Variants in RIMS2 observed in about 807,000 individuals in gnomAD.
The protein encoded by RIMS2 is regulating synaptic membrane exocytosis 2, also known as regulating synaptic membrane exocytosis protein 2.
In RIMS2, 59 loss-of-function variants were observed where a neutral mutation model predicts 174.4. That is an observed-to-expected ratio of 0.34 (90% CI 0.27 to 0.42). RIMS2 has a LOEUF of 0.42. RIMS2 is among the 10% of genes least tolerant of loss of function. The pLI is 1.00. For synonymous variants in RIMS2, 606 were observed against 572.5 expected (o/e 1.06, Z -0.84); for missense variants, 1,620 against 1,666.3 (o/e 0.97, Z 0.48).
At chr8:103,937,623 G>A (rs943729992) in intron 13 of RIMS2, among the ~76,000 whole-genome samples, 6 of 152,170 alleles carry the variant, frequency 3.9e-5, no homozygotes, top group African/African-American at 1.4e-4. Context: ...AGGAGGGCAG[G>A]TGGTCAAAGG....
At chr8:103,657,764 T>C (rs1039513723) in intron 1 of RIMS2, among the ~76,000 whole-genome samples, 4 of 152,202 alleles carry the variant, frequency 2.6e-5, no homozygotes, top group Non-Finnish European at 5.9e-5. Flanking sequence ...TTCATTCTCA[T>C]TGGTTAACAC....
intron 19 of RIMS2, among the ~76,000 whole-genome samples, chr8:104,018,049 T>C (rs1224385798): frequency 3.4e-5 from 5 of 145,886 alleles, no homozygotes; most frequent in Admixed American, 3.4e-4. Flanking sequence ...CACTCCAGCC[T>C]GGGTGACAGT....
intron 1 of RIMS2, among the ~76,000 whole-genome samples, chr8:103,537,226 T>A (rs1165664243): frequency 1.3e-5 from 2 of 152,150 alleles, no homozygotes; most frequent in East Asian, 1.9e-4. Context: ...ACTAACACAA[T>A]GGTAAAGGAG....
At chr8:103,838,558 T>C (rs886897290) in intron 3 of RIMS2, among the ~76,000 whole-genome samples, 5 of 152,210 alleles carry the variant, frequency 3.3e-5, no homozygotes, top group Non-Finnish European at 7.3e-5. Context: ...ATGTGATTTG[T>C]GAGAGCACAG....
intron 3 of RIMS2, among the ~76,000 whole-genome samples, chr8:103,795,226 C>T (rs141941485): frequency 0.16 from 23,921 of 152,130 alleles, 1,991 homozygotes; most frequent in Middle Eastern, 0.24. Flanking sequence ...AAATGTGGCA[C>T]ATATACACCT....
At chr8:103,893,917 A>T (rs545384560) in intron 4 of RIMS2, among the ~76,000 whole-genome samples, 2 of 152,034 alleles carry the variant, frequency 1.3e-5, no homozygotes, top group Non-Finnish European at 2.9e-5. Context: ...CATTTCATTA[A>T]TTTTTTATTA....
At chr8:104,153,089 A>C (rs2134179068) in intron 19 of RIMS2, among the ~76,000 whole-genome samples, 1 of 152,212 alleles carries the variant, frequency 6.6e-6, no homozygotes, top group South Asian at 2.1e-4. Flanking sequence ...GGCAAAGGAG[A>C]AACCTTTTAT....
Position 103,562,595 on chromosome 8 carries a change from G to A in RIMS2, c.176+61533G>A, listed in dbSNP as rs181020474. Among the ~76,000 whole-genome samples, 12 of 152,230 alleles carry A rather than the reference G, an allele frequency of 7.9e-5. No individual in the cohort carries two copies. In the East Asian group the frequency reaches 1.4e-3, roughly 17 times the overall value. On this transcript the variant is annotated intron_variant, in intron 1 of 23. Transcript: ENST00000504942. Reference sequence around the variant, plus strand: ...TCATGGGCTGGCATTGAGTGTCTGCGGCTTTTCCAGGTGCATGGTGCAAGC... The same window carrying A: ...TCATGGGCTGGCATTGAGTGTCTGCAGCTTTTCCAGGTGCATGGTGCAAGC...
At chr8:103,783,830 G>A (rs1439236626) in intron 3 of RIMS2, among the ~76,000 whole-genome samples, 1 of 151,270 alleles carries the variant, frequency 6.6e-6, no homozygotes, top group African/African-American at 2.4e-5. Context: ...CTAGATCCCT[G>A]AGGAATCGCC....
intron 12 of RIMS2, among the ~76,000 whole-genome samples, chr8:103,933,909 A>G (rs1218864545): frequency 6.6e-6 from 1 of 152,156 alleles, no homozygotes; most frequent in Non-Finnish European, 1.5e-5. Context: ...AAAACAATTG[A>G]TGCCTTTTTA....
At chr8:103,939,611 G>A (rs1232675455) in intron 13 of RIMS2, among the ~76,000 whole-genome samples, 1 of 152,218 alleles carries the variant, frequency 6.6e-6, no homozygotes, top group Non-Finnish European at 1.5e-5. Context: ...GCAAATTTCT[G>A]CAGCTGGCTT....
intron 19 of RIMS2, among the ~76,000 whole-genome samples, chr8:104,172,337 A>G (rs1190466543): frequency 2.0e-5 from 3 of 152,150 alleles, no homozygotes; most frequent in Non-Finnish European, 4.4e-5. Context: ...GAGGAAATAC[A>G]TGGTAGAAAT....
intron 4 of RIMS2, among the ~76,000 whole-genome samples, chr8:103,899,292 G>A (rs887236908): frequency 8.6e-5 from 13 of 151,786 alleles, no homozygotes; most frequent in African/African-American, 3.2e-4. Context: ...CTGAGGAATC[G>A]CCACACTGTC....
chr8:104,221,452 C>T (rs2099154814), intron 19 of RIMS2, among the ~76,000 whole-genome samples: 1 of 152,042 alleles, frequency 6.6e-6, no homozygotes, highest in South Asian at 2.1e-4. Context: ...TTCTAAAATT[C>T]TATGATTCTT....
chr8:104,140,259 A>G (rs147205851), intron 19 of RIMS2, among the ~76,000 whole-genome samples: 29 of 152,062 alleles, frequency 1.9e-4, no homozygotes, highest in African/African-American at 6.8e-4. Flanking sequence ...CTCTCTCTAC[A>G]TGTCATAATT....
At chr8:103,546,144 C>T (rs2131404537) in intron 1 of RIMS2, among the ~76,000 whole-genome samples, 1 of 152,256 alleles carries the variant, frequency 6.6e-6, no homozygotes, top group African/African-American at 2.4e-5. Flanking sequence ...ACCCATCCTA[C>T]AAGCATTGAT....
rs552812831 is a variant in RIMS2 at position 103,631,955 on chromosome 8, T to C, written c.177-65131T>C. Among the ~76,000 whole-genome samples, 4 of 152,316 alleles carry C rather than the reference T, an allele frequency of 2.6e-5. No individual in the cohort carries two copies. In the East Asian group the frequency reaches 7.7e-4, roughly 29 times the overall value. On this transcript the variant is annotated intron_variant, in intron 1 of 23. Coordinates refer to ENST00000504942, the Ensembl canonical transcript of RIMS2. Reference sequence around the variant, plus strand: ...ACATTGTTGGTGTATAAAAATACTGTTGACTTTTGTATGTTGATTTGGTGT... The same window carrying C: ...ACATTGTTGGTGTATAAAAATACTGCTGACTTTTGTATGTTGATTTGGTGT...
chr8:103,537,121 A>G (rs1190660414), intron 1 of RIMS2, among the ~76,000 whole-genome samples: 3 of 152,204 alleles, frequency 2.0e-5, no homozygotes, highest in African/African-American at 4.8e-5. Context: ...TAAAATCATA[A>G]TACTTAGCTC....
intron 19 of RIMS2, among the ~76,000 whole-genome samples, chr8:104,163,211 T>G (rs1026968145): frequency 6.6e-6 from 1 of 152,172 alleles, no homozygotes; most frequent in Non-Finnish European, 1.5e-5. Flanking sequence ...AGTGGACAAA[T>G]TCTTCTAATA....
Sources: allele counts gnomAD v4.1 joint callset (sites outside exome capture counted in the v4.1 genomes callset), GRCh38; gene constraint gnomAD v4.1.1; transcripts MANE v1.5; gene names NCBI Gene and HGNC (gene_info 2026-07-23, HGNC 2026-07-21).